The following CD63 variants were observed in gnomAD, a reference collection of about 807,000 sequenced individuals.
CD63 encodes the protein CD63 antigen.
In CD63, 16 loss-of-function variants were observed where a neutral mutation model predicts 29.2. The ratio of observed to expected loss-of-function variants is 0.55; its 90% CI spans 0.37 to 0.83. The LOEUF is 0.83. Ranked by LOEUF, CD63 falls within the 40% of genes least tolerant of loss-of-function variation. CD63 has a pLI of 0.00. For missense variants in CD63, 251 were observed against 297.3 expected (o/e 0.84, Z 1.15); for synonymous variants, 118 against 111.7 (o/e 1.06, Z -0.36).
intron 2 of CD63, chr12:55,727,719 C>T: frequency 9.6e-7 from 1 of 1,042,330 alleles, no homozygotes; most frequent in Non-Finnish European, 1.2e-6. Flanking sequence ...TCAGCTGTGA[C>T]TAAGGTTCCT....
At position 55,728,317 on chromosome 12, in the gene CD63, A is replaced by G. The variant is rs760923351; in HGVS notation, c.25T>C (p.Cys9Arg). 2.7e-5 allele frequency: 43 copies of G among 1,611,128 alleles called. No individual in the cohort carries two copies. The highest frequency in any genetic ancestry group is 1.7e-6 in the Non-Finnish European group (2 of 1,179,304). Residue 9 changes from cysteine to arginine, a missense_variant, in exon 2 of 8, where the codon TGT (cysteine) becomes CGT (arginine). Coordinates refer to ENST00000257857, the MANE Select transcript of CD63 (RefSeq NM_001780.6). This position sits in a 1 kb window ranked among gnomAD's most constrained non-coding sequence, Gnocchi z 4.8. Reference sequence around the variant, plus strand: ...AGGACGTAGAGCAAGAACTTCACACATTTCATTCCTCCTTCCACCGCCATG... The same window carrying G: ...AGGACGTAGAGCAAGAACTTCACACGTTTCATTCCTCCTTCCACCGCCATG... MAVEGGMKCVKFLLYVLLL... is the reference protein window; with the variant it reads MAVEGGMKRVKFLLYVLLL...
At position 55,727,352 on chromosome 12, in the gene CD63, C is replaced by G; in HGVS notation, c.67-13G>C. 1 of 1,608,530 alleles carries G rather than the reference C, an allele frequency of 6.2e-7. No homozygotes were observed. Among genetic ancestry groups the G allele is most frequent in the Middle Eastern group, 1.7e-4 (1 of 6,044 alleles). On this transcript the variant is annotated splice_polypyrimidine_tract_variant and intron_variant, in intron 2 of 7. Transcript: ENST00000257857. ...CCACTGCACAGGCCTAAGAGAAAAT[C>G]AGGTGAGGATTAGGCCATATCCACA... is the stretch of plus-strand genomic sequence containing the variant.
chr12:55,726,662 C>G (rs1877409096), intron 5 of CD63, 38 bp downstream of exon 5: 2 of 1,503,876 alleles, frequency 1.3e-6, no homozygotes, highest in South Asian at 1.1e-5. Flanking sequence ...TGAGAATTCT[C>G]TATTCCCACC....
chr12:55,727,474 T>G, intron 2 of CD63, 135 bp from the exon 3 acceptor site: 1 of 1,203,972 alleles, frequency 8.3e-7, no homozygotes, highest in Non-Finnish European at 1.1e-6. Flanking sequence ...AGGGAATTTC[T>G]TTGGCTGTGG....
chr12:55,729,040 C>T, upstream of CD63: 1 of 985,402 alleles, frequency 1.0e-6, no homozygotes, highest in Non-Finnish European at 1.2e-6. Flanking sequence ...GCCCCGCCTG[C>T]CGCGCGGCCC....
downstream of CD63, chr12:55,724,851 C>G: frequency 2.0e-6 from 1 of 498,630 alleles, no homozygotes; most frequent in East Asian, 3.9e-5. Context: ...GAGTGGCCAT[C>G]AAAGGGCACT....
chr12:55,727,574 TC>T, intron 2 of CD63: 1 of 1,297,714 alleles, frequency 7.7e-7, no homozygotes, highest in Non-Finnish European at 9.8e-7. Flanking sequence ...TTCAAAAACC[TC>T]CCAGAAAGCC....
At chr12:55,724,105 C>A, downstream of CD63, 1 of 1,581,084 alleles carries the variant, frequency 6.3e-7, no homozygotes, top group Non-Finnish European at 8.6e-7. Flanking sequence ...CCAGAAAGGC[C>A]AGTCCTGCAT....
At chr12:55,725,722 G>C (rs1313494724) in intron 7 of CD63, 91 bp downstream of exon 7, 4 of 1,516,018 alleles carry the variant, frequency 2.6e-6, no homozygotes, top group Non-Finnish European at 3.7e-6. Context: ...TCCCAGGCCA[G>C]TACCTCCTGT....
chr12:55,724,775 G>T, downstream of CD63: 6 of 595,256 alleles, frequency 1.0e-5, no homozygotes, highest in South Asian at 9.5e-5. Context: ...TTCAGTCCCT[G>T]CAAAACAGCT....
chr12:55,724,225 G>C, downstream of CD63: 2 of 1,489,438 alleles, frequency 1.3e-6, no homozygotes, highest in African/African-American at 1.4e-5. Context: ...ACTGAGGAGG[G>C]GACTGAGGGT....
chr12:55,727,439 C>G (rs1394365662), intron 2 of CD63, 100 bp from the exon 3 acceptor site: 1 of 1,295,398 alleles, frequency 7.7e-7, no homozygotes, highest in Non-Finnish European at 1.1e-6. Flanking sequence ...TTGACCCCAT[C>G]CGGAAGAGAG....
In CD63 at chr12:55,728,434, G is replaced by T. The variant is rs1292884921; in HGVS notation, c.-11-82C>A. The stretch of plus-strand genomic sequence containing the variant: ...CCGGGCTCCCGGCCGGCCCTCGAGG[G>T]CTTCCCTTCACGGCCCCGATTCCCG... On this transcript the variant is annotated intron_variant, in intron 1 of 7. Transcript: ENST00000257857. The surrounding 1 kb of genome is among the most constrained non-coding windows in gnomAD (Gnocchi z 4.8). 6.5e-7 allele frequency: 1 copy of T among 1,536,762 alleles called. No individual in the cohort carries two copies. The highest frequency in any genetic ancestry group is 1.4e-5 in the African/African-American group (1 of 73,004).
chr12:55,727,313 C>G lies in CD63; in HGVS notation c.93G>C (p.Val31=). The stretch of plus-strand genomic sequence containing the variant: ...TCAGGACAAGCTGTGCCCCGACACC[C>G]ACGGCAATCAGTCCCACTGCACAGG... ...FCACAVGLIA[V]GVGAQLVLSQ... The change falls in exon 3 of 8, where the codon GTG becomes GTC. Residue 31 remains valine (V), a synonymous_variant. Coordinates refer to ENST00000257857, the MANE Select transcript of CD63 (RefSeq NM_001780.6). 6.2e-7 allele frequency: 1 copy of G among 1,613,688 alleles called. No individual in the cohort carries two copies. Among genetic ancestry groups the G allele is most frequent in the Non-Finnish European group, 8.5e-7 (1 of 1,179,946 alleles).
In CD63 at chr12:55,728,391, G is replaced by T. The variant is rs1457727110; in HGVS notation, c.-11-39C>A. The T allele has an allele frequency of 6.3e-6, 10 of 1,581,362 alleles. No individual in the cohort carries two copies. Among genetic ancestry groups the T allele is most frequent in the Non-Finnish European group, 7.7e-6 (9 of 1,164,410 alleles). On this transcript the variant is annotated intron_variant, in intron 1 of 7. Coordinates refer to ENST00000257857, the MANE Select transcript of CD63 (RefSeq NM_001780.6). This position sits in a 1 kb window ranked among gnomAD's most constrained non-coding sequence, Gnocchi z 4.8. ...GAGGGCGGGGGGATTAAAACTGGCCGAAGGGGGACCTCGGTTTCCGGGCTC... is the reference window on the plus strand; with the variant it reads ...GAGGGCGGGGGGATTAAAACTGGCCTAAGGGGGACCTCGGTTTCCGGGCTC...
upstream of CD63, chr12:55,729,704 C>T (rs113644152): frequency 7.6e-4 from 116 of 152,366 alleles, no homozygotes; most frequent in African/African-American, 2.6e-3. Flanking sequence ...TTCCCCGAAG[C>T]CACGCTACCC....
At position 55,728,875 on chromosome 12, in the gene CD63, G is replaced by GAGCCCTGGAGGA. The variant is rs1331606311; in HGVS notation, c.-12+77_-12+78insTCCTCCAGGGCT. 1.0e-6 allele frequency: 1 copy of GAGCCCTGGAGGA among 989,430 alleles called. No homozygotes were observed. The highest frequency in any genetic ancestry group is 1.7e-5 in the African/African-American group (1 of 57,236). 61.3% of individuals were successfully genotyped at this position (989,430 alleles called of 1,614,324 possible). ...CGCCGGACGAGTCTCCGCGGGCCTG[G>GAGCCCTGGAGGA]GGCGAGCCCTGGAGGAAGGGACTGC... On this transcript the variant is annotated intron_variant, in intron 1 of 7. Coordinates refer to ENST00000257857, the MANE Select transcript of CD63 (RefSeq NM_001780.6). The surrounding 1 kb of genome is among the most constrained non-coding windows in gnomAD (Gnocchi z 4.8).
At position 55,726,240 on chromosome 12, in the gene CD63, T is replaced by TAG. The variant is rs1877324473; in HGVS notation, c.446_447dup (p.Asn150LeufsTer51). The TAG allele has an allele frequency of 6.2e-7, 1 of 1,613,828 alleles. No homozygotes were observed. Among genetic ancestry groups the TAG allele is most frequent in the East Asian group, 2.2e-5 (1 of 44,880 alleles). ...GGGATTTTCTCCCAATCTGTGTAGT[T>TAG]AGCAGCCCCACAGCACTTAAACTGG... On this transcript the variant is annotated frameshift_variant, in exon 6 of 8. Coordinates refer to ENST00000257857, the MANE Select transcript of CD63 (RefSeq NM_001780.6). LOFTEE classifies it high-confidence loss of function.
chr12:55,724,608 A>T, downstream of CD63: 2 of 1,430,066 alleles, frequency 1.4e-6, no homozygotes, highest in Non-Finnish European at 1.9e-6. Context: ...TTCTGCCCCC[A>T]CCCTGGTACT....
Sources: allele counts gnomAD v4.1 joint callset, GRCh38; gene constraint gnomAD v4.1.1; non-coding constraint Gnocchi (gnomAD v3.1); transcripts MANE v1.5; gene names NCBI Gene and HGNC (gene_info 2026-07-23, HGNC 2026-07-21).